UCHL3: variants seen among roughly 807,000 people sequenced by gnomAD.
UCHL3 encodes ubiquitin C-terminal hydrolase L3.
A neutral mutation model predicts 35.8 loss-of-function variants in UCHL3; 22 were observed. The ratio of observed to expected loss-of-function variants is 0.61; its 90% CI spans 0.44 to 0.88. The LOEUF (loss-of-function observed/expected upper bound fraction) is 0.88. Among genes scored for constraint, UCHL3 ranks in the 40% least tolerant of loss-of-function variants. UCHL3 has a pLI of 0.00. For missense variants in UCHL3, 229 were observed against 276.9 expected (o/e 0.83, Z 1.23); for synonymous variants, 90 against 92.8 (o/e 0.97, Z 0.17).
rs754068075 is a variant in UCHL3 at position 75,595,011 on chromosome 13, T to C, written c.550+21T>C. 7 of 1,548,246 alleles carry C rather than the reference T, an allele frequency of 4.5e-6. No individual in the cohort carries two copies. In the South Asian group the frequency reaches 7.1e-5, roughly 16 times the overall value. On this transcript the variant is annotated intron_variant, in intron 7 of 8. Coordinates refer to ENST00000377595, the MANE Select transcript of UCHL3 (RefSeq NM_006002.5). The stretch of plus-strand genomic sequence containing the variant: ...ATTAGGTAAGAACTATTTTAATTTG[T>C]CCTGGGGAGAGAAATGGTAAATGGG...
At chr13:75,579,378 A>G (rs1744625792) in intron 6 of UCHL3, among the ~76,000 whole-genome samples, 1 of 152,064 alleles carries the variant, frequency 6.6e-6, no homozygotes, top group Admixed American at 6.5e-5. Flanking sequence ...CTTTATTTCA[A>G]CATGACTTAA....
intron 6 of UCHL3, among the ~76,000 whole-genome samples, chr13:75,572,008 GTC>G (rs1566216859): frequency 9.2e-5 from 14 of 151,744 alleles, no homozygotes; most frequent in African/African-American, 3.4e-4. Flanking sequence ...GTCTTGTCTT[GTC>G]TTGTCTTGTC....
chr13:75,571,195 A>G (rs2031846839), intron 6 of UCHL3, among the ~76,000 whole-genome samples: 1 of 152,260 alleles, frequency 6.6e-6, no homozygotes, highest in African/African-American at 2.4e-5. Context: ...GAAGACAGTT[A>G]CTTGTAATAA....
chr13:75,589,566 G>A (rs1012382422), intron 6 of UCHL3, among the ~76,000 whole-genome samples: 9 of 151,652 alleles, frequency 5.9e-5, no homozygotes, highest in Admixed American at 2.6e-4. Context: ...TCTTCTACCC[G>A]TTATTCTTTG....
chr13:75,592,442 AT>A (rs2032518801), intron 6 of UCHL3, among the ~76,000 whole-genome samples: 2 of 112,512 alleles, frequency 1.8e-5, no homozygotes, highest in Non-Finnish European at 3.7e-5. Flanking sequence ...ATATATATAT[AT>A]ATATATATAT....
intron 2 of UCHL3, among the ~76,000 whole-genome samples, chr13:75,559,090 A>AGT (rs2031396490): frequency 8.7e-6 from 1 of 115,098 alleles, no homozygotes; most frequent in Admixed American, 1.2e-4. Flanking sequence ...CCCAGGCTGG[A>AGT]GTGCAGTGGC....
At chr13:75,570,322 C>T (rs942685721) in intron 6 of UCHL3, among the ~76,000 whole-genome samples, 3 of 152,086 alleles carry the variant, frequency 2.0e-5, no homozygotes, top group East Asian at 1.9e-4. Flanking sequence ...CTGCAAGCTC[C>T]GCCTCCCGGG....
intron 2 of UCHL3, among the ~76,000 whole-genome samples, chr13:75,559,823 A>G (rs529370415): frequency 7.2e-5 from 11 of 152,210 alleles, no homozygotes; most frequent in Admixed American, 2.0e-4. Flanking sequence ...CCTTTTTTCT[A>G]TCATCTAAAA....
At chr13:75,595,028 G>A in intron 7 of UCHL3, 38 bp downstream of exon 7, 3 of 1,462,702 alleles carry the variant, frequency 2.1e-6, no homozygotes, top group Non-Finnish European at 1.9e-6. Flanking sequence ...GAGAGAAATG[G>A]TAAATGGGAA....
chr13:75,560,394 G>T (rs2031452932), intron 2 of UCHL3, among the ~76,000 whole-genome samples: 1 of 152,102 alleles, frequency 6.6e-6, no homozygotes. Flanking sequence ...GAAAAAAGAG[G>T]TTTTATTTCA....
At chr13:75,567,095 T>C (rs2031708466) in intron 4 of UCHL3, 132 bp from the exon 5 acceptor site, 2 of 918,396 alleles carry the variant, frequency 2.2e-6, no homozygotes, top group Non-Finnish European at 3.2e-6. Context: ...ATTTATAACA[T>C]GATCCTTACA....
Position 75,594,903 on chromosome 13 carries a change from C to T in UCHL3, c.475-12C>T, listed in dbSNP as rs778765426. On this transcript the variant is annotated splice_polypyrimidine_tract_variant and intron_variant, in intron 6 of 8. Transcript: ENST00000377595. ...TAATGTATATAATACCTATTTTTCC[C>T]TCCTATTCCAGGCACCAAGTATAGA... 1 of 1,599,834 alleles carries T rather than the reference C, an allele frequency of 6.3e-7. No homozygotes were observed. The highest frequency in any genetic ancestry group is 8.5e-7 in the Non-Finnish European group (1 of 1,175,396).
chr13:75,589,603 T>G (rs779154779), intron 6 of UCHL3, among the ~76,000 whole-genome samples: 29 of 152,190 alleles, frequency 1.9e-4, no homozygotes, highest in African/African-American at 5.1e-4. Context: ...TACATGGTTT[T>G]TGTGTGTGTG....
chr13:75,590,389 T>A (rs1365236301), intron 6 of UCHL3, among the ~76,000 whole-genome samples: 1 of 152,186 alleles, frequency 6.6e-6, no homozygotes, highest in African/African-American at 2.4e-5. Flanking sequence ...CTGATCCACA[T>A]TCATGATAAT....
At chr13:75,604,902 T>C in intron 8 of UCHL3, 75 bp downstream of exon 8, 1 of 1,276,708 alleles carries the variant, frequency 7.8e-7, no homozygotes, top group Non-Finnish European at 1.1e-6. Flanking sequence ...GTCACTTGCA[T>C]AACATTTTCT....
chr13:75,578,593 C>T (rs2032094273), intron 6 of UCHL3, among the ~76,000 whole-genome samples: 1 of 151,972 alleles, frequency 6.6e-6, no homozygotes, highest in Non-Finnish European at 1.5e-5. Flanking sequence ...TATTGAATTC[C>T]ATTTCTAAAT....
rs199684200 is a variant in UCHL3, at chr13:75,604,750, G to A, written c.551-19G>A. 723 of 1,586,994 alleles carry A rather than the reference G, an allele frequency of 4.6e-4. No individual in the cohort carries two copies. Among genetic ancestry groups the A allele is most frequent in the Non-Finnish European group, 5.6e-4 (648 of 1,167,248 alleles). On this transcript the variant is annotated intron_variant, in intron 7 of 8. Coordinates refer to ENST00000377595, the MANE Select transcript of UCHL3 (RefSeq NM_006002.5). ...TGTAAAAACAGCTAAGCATTCAATT[G>A]TTTGTCTGTTTTCCACAGATGGGCG...
chr13:75,599,185 G>A (rs1566231596), intron 7 of UCHL3, among the ~76,000 whole-genome samples: 3 of 147,320 alleles, frequency 2.0e-5, no homozygotes, highest in African/African-American at 7.5e-5. Context: ...TGCCCAGGCT[G>A]GTCTTGAACT....
At chr13:75,594,191 T>C (rs1424427696) in intron 6 of UCHL3, among the ~76,000 whole-genome samples, 1 of 152,194 alleles carries the variant, frequency 6.6e-6, no homozygotes, top group Non-Finnish European at 1.5e-5. Flanking sequence ...GCAAATTGAT[T>C]GGTAAGCTAA....
Sources: allele counts gnomAD v4.1 joint callset (sites outside exome capture counted in the v4.1 genomes callset), GRCh38; gene constraint gnomAD v4.1.1; transcripts MANE v1.5; gene names NCBI Gene and HGNC (gene_info 2026-07-23, HGNC 2026-07-21).